DNMT3B: variants seen among roughly 807,000 people sequenced by gnomAD.
DNMT3B encodes DNA methyltransferase 3 beta.
DNMT3B carries 37 observed loss-of-function variants against 120.2 expected under a neutral mutation model. The observed-to-expected ratio is 0.31, with a 90% CI of 0.24 to 0.40. The LOEUF is 0.40. Among genes scored for constraint, DNMT3B ranks in the 10% least tolerant of loss-of-function variants. The probability of loss-of-function intolerance (pLI) is 1.00; values close to 1 mark genes in which losing one functional copy is unlikely to be tolerated. For missense variants in DNMT3B, 878 were observed against 1,137.3 expected, an observed-to-expected ratio of 0.77 and a Z score of 3.28; for synonymous variants, 412 against 442.8, an observed-to-expected ratio of 0.93 and a Z score of 0.87.
rs773304625 is a variant in DNMT3B at position 32,797,343 on chromosome 20, G to T, written c.1490+44G>T. The T allele has an allele frequency of 5.1e-6, 8 of 1,583,288 alleles. No individual in the cohort carries two copies. In the East Asian group the frequency reaches 1.8e-4, roughly 35 times the overall value. The stretch of plus-strand genomic sequence containing the variant: ...GGGGTGGATGTGGGTGGGCCCCCAA[G>T]GCTCCTACGTTCCTGCAGTCTGCAG... On this transcript the variant is annotated intron_variant, in intron 14 of 22. Transcript: ENST00000328111.
At chr20:32,767,991 TAGGGCGTTTGC>T (rs1222987164) in intron 1 of DNMT3B, among the ~76,000 whole-genome samples, 2 of 152,204 alleles carry the variant, frequency 1.3e-5, no homozygotes, top group African/African-American at 4.8e-5. Context: ...GATGCCTTTG[TAGGGCGTTTGC>T]TGCAGCCAGA....
Position 32,795,482 on chromosome 20 carries a change from G to A in DNMT3B, c.1200G>A (p.Lys400=). ...ACTGCCCCGCACCCAAGCGCCTCAA[G>A]ACAAATTGCTATAACAACGGCAAAG... ...SDYCPAPKRL[K]TNCYNNGKDR... is the part of the protein sequence containing the mutation. The change falls in exon 11 of 23, where the codon AAG becomes AAA. Residue 400 remains lysine (K), a synonymous_variant. Coordinates refer to ENST00000328111, the MANE Select transcript of DNMT3B (RefSeq NM_006892.4). 1 of 1,614,194 alleles carries A rather than the reference G, an allele frequency of 6.2e-7. No homozygotes were observed. The highest frequency in any genetic ancestry group is 1.6e-4 in the Middle Eastern group (1 of 6,062).
rs1016290514 is a variant in DNMT3B at position 32,809,134 on chromosome 20, G to A, written c.*1231G>A. The A allele has an allele frequency of 9.3e-6, 2 of 215,034 alleles. No individual in the cohort carries two copies. Among genetic ancestry groups the A allele is most frequent in the Non-Finnish European group, 1.9e-5 (2 of 106,230 alleles). 13.3% of individuals were successfully genotyped at this position (215,034 alleles called of 1,614,324 possible). On this transcript the variant is annotated 3_prime_UTR_variant, in exon 23 of 23. Transcript: ENST00000328111. ...GCTATTTTGTAGAATAAGGAACAACGTTGACAAGTTTTGTGGGGCTTTTTA... is the reference window on the plus strand; with the variant it reads ...GCTATTTTGTAGAATAAGGAACAACATTGACAAGTTTTGTGGGGCTTTTTA...
At chr20:32,777,005 G>T (rs577684770) in intron 1 of DNMT3B, among the ~76,000 whole-genome samples, 1 of 152,142 alleles carries the variant, frequency 6.6e-6, no homozygotes, top group Non-Finnish European at 1.5e-5. Flanking sequence ...GGTGTGCGCT[G>T]TCTACACAGC....
At chr20:32,796,694 C>T in intron 12 of DNMT3B, 96 bp from the exon 13 acceptor site, 1 of 1,361,930 alleles carries the variant, frequency 7.3e-7, no homozygotes, top group Non-Finnish European at 1.0e-6. Flanking sequence ...AAGCTGCTGG[C>T]CTGGAGGGAA....
At chr20:32,785,003 C>G (rs1490952844) in intron 4 of DNMT3B, 144 bp downstream of exon 4, 13 of 833,948 alleles carry the variant, frequency 1.6e-5, no homozygotes, top group Admixed American at 4.2e-5. Context: ...AAAATATAAG[C>G]AAGGCTCTTG....
intron 1 of DNMT3B, among the ~76,000 whole-genome samples, chr20:32,762,910 G>T (rs115239893): frequency 0.051 from 7,751 of 152,058 alleles, 388 homozygotes; most frequent in African/African-American, 0.13. Context: ...GGGACAGCGG[G>T]TGGGACGCGG....
chr20:32,788,960 CTA>C lies in DNMT3B; in HGVS notation c.763_764del (p.Met255ValfsTer33), dbSNP rs754750423. ...TGGAAGGCCACCTCCAAGCGACAGG[CTA>C]TGTCTGGCATGCGGTGGGTCCAGTG... On this transcript the variant is annotated frameshift_variant, in exon 7 of 23. Coordinates refer to ENST00000328111, the MANE Select transcript of DNMT3B (RefSeq NM_006892.4). LOFTEE classifies it high-confidence loss of function. 1 of 1,614,060 alleles carries C rather than the reference CTA, an allele frequency of 6.2e-7. No homozygotes were observed.
intron 16 of DNMT3B, 81 bp downstream of exon 16, chr20:32,799,409 T>A: frequency 6.7e-7 from 1 of 1,500,084 alleles, no homozygotes; most frequent in Non-Finnish European, 9.1e-7. Flanking sequence ...GGTTAAGGTG[T>A]CTGACATCAG....
chr20:32,793,036 G>A (rs555987517), intron 9 of DNMT3B, among the ~76,000 whole-genome samples: 7 of 152,326 alleles, frequency 4.6e-5, no homozygotes, highest in Admixed American at 4.6e-4. Context: ...GTGTTGACTA[G>A]CACCTTTTTT....
At chr20:32,789,083 AGGCCT>A in intron 7 of DNMT3B, 71 bp downstream of exon 7, 1 of 1,598,138 alleles carries the variant, frequency 6.3e-7, no homozygotes, top group Middle Eastern at 2.2e-4. Flanking sequence ...TTGAAGACAA[AGGCCT>A]GGGATTGTAT....
At chr20:32,773,122 T>TA (rs1331735192) in intron 1 of DNMT3B, among the ~76,000 whole-genome samples, 3 of 151,550 alleles carry the variant, frequency 2.0e-5, no homozygotes, top group Admixed American at 2.0e-4. Flanking sequence ...CCTGGCTTTT[T>TA]TTTTTTTTGA....
chr20:32,795,601 T>C lies in DNMT3B; in HGVS notation c.1253-49T>C, dbSNP rs778822590. The stretch of plus-strand genomic sequence containing the variant: ...GGACGCTGCAGATCAGGAATTGATC[T>C]GTACCCGGCTCCCTGACCTCATCTC... On this transcript the variant is annotated intron_variant, in intron 11 of 22. Coordinates refer to ENST00000328111, the MANE Select transcript of DNMT3B (RefSeq NM_006892.4). 1.9e-6 allele frequency: 3 copies of C among 1,614,234 alleles called. No individual in the cohort carries two copies. In the South Asian group the frequency reaches 3.3e-5, roughly 18 times the overall value.
At chr20:32,804,499 T>C (rs181551489) in intron 20 of DNMT3B, among the ~76,000 whole-genome samples, 251 of 152,322 alleles carry the variant, frequency 1.6e-3, no homozygotes, top group Non-Finnish European at 2.8e-3. Context: ...CTGAGTTGTT[T>C]GGCCTTGACG....
intron 1 of DNMT3B, among the ~76,000 whole-genome samples, chr20:32,772,939 G>A (rs182294635): frequency 1.5e-4 from 22 of 142,534 alleles, no homozygotes; most frequent in Admixed American, 1.5e-4. Context: ...GCAATGGCAC[G>A]ATCCCGAGTA....
In DNMT3B at chr20:32,796,985, T is replaced by G. The variant is rs185187253; in HGVS notation, c.1377+116T>G. On this transcript the variant is annotated intron_variant, in intron 13 of 22. Transcript: ENST00000328111. ...TGAAGCCCACTCATCCCAGCTGCCT[T>G]GCACTCTGCCTCTGGGGCAGGATGG... 14 of 1,613,070 alleles carry G rather than the reference T, an allele frequency of 8.7e-6. No individual in the cohort carries two copies. The East Asian group carries it at 3.1e-4, about 36-fold the overall frequency.
At chr20:32,780,926 C>T (rs750207092) in intron 2 of DNMT3B, among the ~76,000 whole-genome samples, 7 of 152,222 alleles carry the variant, frequency 4.6e-5, no homozygotes, top group Non-Finnish European at 1.0e-4. Flanking sequence ...CTCAGCTGTG[C>T]CATCCCATGG....
At chr20:32,802,318 C>T in intron 19 of DNMT3B, 67 bp from the exon 20 acceptor site, 1 of 1,540,092 alleles carries the variant, frequency 6.5e-7, no homozygotes, top group Non-Finnish European at 9.0e-7. Flanking sequence ...CTGTCACCTG[C>T]AAAGGTCTGG....
chr20:32,780,585 A>ATTGCT, intron 2 of DNMT3B, 120 bp downstream of exon 2: 1 of 1,472,100 alleles, frequency 6.8e-7, no homozygotes, highest in Non-Finnish European at 9.1e-7. Flanking sequence ...CCCGGGAGGG[A>ATTGCT]AGAGAGCTCT....
Sources: allele counts gnomAD v4.1 joint callset (sites outside exome capture counted in the v4.1 genomes callset), GRCh38; gene constraint gnomAD v4.1.1; transcripts MANE v1.5; gene names NCBI Gene and HGNC (gene_info 2026-07-23, HGNC 2026-07-21).